NETO1: variants seen among roughly 807,000 people sequenced by gnomAD.
NETO1 encodes neuropilin and tolloid like 1.
In NETO1, 26 loss-of-function variants were observed where a neutral mutation model predicts 61.3. The observed-to-expected ratio is 0.42, with a 90% CI of 0.31 to 0.59. The LOEUF is 0.59. Ranked by LOEUF, NETO1 falls within the 20% of genes least tolerant of loss-of-function variation. NETO1 has a pLI of 0.12. For synonymous variants in NETO1, 225 were observed against 225.8 expected, an observed-to-expected ratio of 1.00 and a Z score of 0.03; for missense variants, 531 against 662.8, an observed-to-expected ratio of 0.80 and a Z score of 2.18.
intron 7 of NETO1, among the ~76,000 whole-genome samples, chr18:72,759,093 T>C (rs757737085): frequency 6.6e-6 from 1 of 152,138 alleles, no homozygotes; most frequent in Non-Finnish European, 1.5e-5. Context: ...ACATTCTCAT[T>C]GCTCTTTCGA....
intron 7 of NETO1, among the ~76,000 whole-genome samples, chr18:72,778,697 G>A (rs908819210): frequency 6.6e-6 from 1 of 152,086 alleles, no homozygotes; most frequent in Non-Finnish European, 1.5e-5. Flanking sequence ...ATTTCTATAA[G>A]CATTCTGTTC....
rs954091185 is a variant in NETO1, at chr18:72,746,840, C to G, written c.*1339G>C. 6.6e-6 allele frequency among the ~76,000 whole-genome samples: 1 copy of G among 151,636 alleles called. No homozygotes were observed. Among genetic ancestry groups the G allele is most frequent in the Non-Finnish European group, 1.5e-5 (1 of 67,870 alleles). On this transcript the variant is annotated 3_prime_UTR_variant, in exon 11 of 11. Transcript: ENST00000327305. ...CACATTGAATATTTTAAAAAATAAC[C>G]ACTCACCAAATCAAACTTTACAGAG...
chr18:72,856,927 A>G (rs1326898958), intron 4 of NETO1, among the ~76,000 whole-genome samples: 1 of 152,234 alleles, frequency 6.6e-6, no homozygotes, highest in Non-Finnish European at 1.5e-5. Flanking sequence ...CTGGCTTCAG[A>G]TTCCCTAAAT....
At chr18:72,860,451 A>G (rs2074537291) in intron 3 of NETO1, among the ~76,000 whole-genome samples, 1 of 152,232 alleles carries the variant, frequency 6.6e-6, no homozygotes, top group African/African-American at 2.4e-5. Context: ...TGAGACACAC[A>G]GTATAACTTG....
intron 4 of NETO1, among the ~76,000 whole-genome samples, chr18:72,811,660 C>T (rs1002991439): frequency 2.6e-5 from 4 of 151,990 alleles, no homozygotes; most frequent in Admixed American, 2.6e-4. Context: ...GTAAAACGAG[C>T]CGGGTGTGGT....
Position 72,748,685 on chromosome 18 carries a change from G to A in NETO1, c.*14+329C>T, listed in dbSNP as rs182431393. On this transcript the variant is annotated intron_variant, in intron 10 of 10. Coordinates refer to ENST00000327305, the MANE Select transcript of NETO1 (RefSeq NM_138966.5). ...CTATTTTCTTAGTTTAAAAACCTTG[G>A]TTTTTTTCGAGTATTTCTTTGGAGA... Among the ~76,000 whole-genome samples, 404 of 151,888 alleles carry A rather than the reference G, an allele frequency of 2.7e-3. 14 individuals carry two copies. The South Asian group carries it at 0.073, about 28-fold the overall frequency.
intron 7 of NETO1, among the ~76,000 whole-genome samples, chr18:72,757,057 C>A (rs1298299079): frequency 6.6e-6 from 1 of 152,048 alleles, no homozygotes; most frequent in Non-Finnish European, 1.5e-5. Flanking sequence ...CCTTTGTATT[C>A]ACTCCATGTA....
intron 4 of NETO1, among the ~76,000 whole-genome samples, chr18:72,827,716 C>CAAAA (rs535573315): frequency 9.0e-5 from 9 of 100,152 alleles, no homozygotes; most frequent in Non-Finnish European, 1.4e-4. Flanking sequence ...GACCCTGTCT[C>CAAAA]AAAAAAAAAA....
At chr18:72,866,779 A>G (rs1174020142) in intron 1 of NETO1, 4 of 993,398 alleles carry the variant, frequency 4.0e-6, no homozygotes, top group Non-Finnish European at 4.8e-6. Context: ...CCAGGGCGGA[A>G]AGGGGTGGAA....
chr18:72,762,761 C>T (rs1427871949), intron 7 of NETO1, among the ~76,000 whole-genome samples: 2 of 152,154 alleles, frequency 1.3e-5, no homozygotes, highest in Non-Finnish European at 2.9e-5. Context: ...GAGCTTTTGA[C>T]TCCCTCATGG....
intron 4 of NETO1, among the ~76,000 whole-genome samples, chr18:72,850,985 G>A (rs993758043): frequency 2.0e-5 from 3 of 152,176 alleles, no homozygotes; most frequent in Admixed American, 6.5e-5. Flanking sequence ...TTTCTGTGCT[G>A]CAACTGAGTG....
rs2070504038 is a variant in NETO1, at chr18:72,749,106, T to G, written c.1542-18A>C. On this transcript the variant is annotated intron_variant, in intron 9 of 10. Transcript: ENST00000327305. ...GGCAGAACCTGGAATGTTATGGCTATTTCATTCAACAAAGTACTATTTGCA... is the reference window on the plus strand; with the variant it reads ...GGCAGAACCTGGAATGTTATGGCTAGTTCATTCAACAAAGTACTATTTGCA... 6.8e-7 allele frequency: 1 copy of G among 1,477,216 alleles called. No individual in the cohort carries two copies. The highest frequency in any genetic ancestry group is 9.4e-7 in the Non-Finnish European group (1 of 1,060,420). The allele number at this position is 1,477,216 out of a possible 1,614,324, so 91.5% of individuals were successfully genotyped here.
At position 72,837,885 on chromosome 18, in the gene NETO1, C is replaced by T. The variant is rs1025428359; in HGVS notation, c.469+20941G>A. On this transcript the variant is annotated intron_variant, in intron 4 of 10. Transcript: ENST00000327305. ...AACAGCCACACAAAACATTCTCCCT[C>T]CCCATCACCATCCTCTATGACAGGT... 7.2e-5 allele frequency among the ~76,000 whole-genome samples: 11 copies of T among 151,730 alleles called. 1 individual carries two copies. The highest frequency in any genetic ancestry group is 2.7e-4 in the African/African-American group (11 of 41,300).
Position 72,755,846 on chromosome 18 carries a change from C to T in NETO1, c.982+188G>A, listed in dbSNP as rs533024743. On this transcript the variant is annotated intron_variant, in intron 8 of 10. Coordinates refer to ENST00000327305, the MANE Select transcript of NETO1 (RefSeq NM_138966.5). ...AGGATAGTCCACTGTGCACTAATAA[C>T]GGAACATCTGGACAGAGCATGAGTA... Among the ~76,000 whole-genome samples, 19 of 152,128 alleles carry T rather than the reference C, an allele frequency of 1.2e-4. 1 individual carries two copies. The South Asian group carries it at 2.5e-3, about 20-fold the overall frequency.
chr18:72,774,637 A>G (rs184782275), intron 7 of NETO1, among the ~76,000 whole-genome samples: 2 of 152,272 alleles, frequency 1.3e-5, no homozygotes, highest in Admixed American at 6.5e-5. Context: ...TTTATCGCAA[A>G]TATGTTTCTT....
At chr18:72,777,900 T>C (rs1004447106) in intron 7 of NETO1, among the ~76,000 whole-genome samples, 3 of 152,150 alleles carry the variant, frequency 2.0e-5, no homozygotes, top group African/African-American at 4.8e-5. Flanking sequence ...TGACCTGGGG[T>C]GGCCCCACCC....
chr18:72,760,873 T>A (rs898629050), intron 7 of NETO1, among the ~76,000 whole-genome samples: 1 of 152,168 alleles, frequency 6.6e-6, no homozygotes, highest in African/African-American at 2.4e-5. Context: ...TCAGTTTCTG[T>A]TTATATCTAT....
chr18:72,807,715 AACACACAC>A (rs72126949), intron 4 of NETO1, among the ~76,000 whole-genome samples: 3,310 of 65,318 alleles, frequency 0.051, 120 homozygotes, highest in East Asian at 0.32. Flanking sequence ...TGAAGACAAG[AACACACAC>A]ACACACACAC....
chr18:72,834,629 A>G, intron 4 of NETO1: 1 of 983,688 alleles, frequency 1.0e-6, no homozygotes, highest in Non-Finnish European at 1.2e-6. Context: ...ATTTATGTTT[A>G]TAATTACTTA....
Sources: gnomAD v4.1 joint callset for allele counts (sites outside exome capture counted in the v4.1 genomes callset) on GRCh38, gnomAD v4.1.1 for gene constraint, MANE v1.5 for transcripts, NCBI Gene and HGNC (gene_info 2026-07-23, HGNC 2026-07-21) for gene names.